RYR2: variants seen among roughly 807,000 people sequenced by gnomAD.
The protein encoded by RYR2 is cardiac muscle ryanodine receptor-calcium release channel.
RYR2 carries 227 observed loss-of-function variants against 601.1 expected under a neutral mutation model. The observed-to-expected ratio is 0.38, with a 90% CI of 0.34 to 0.42. The LOEUF is 0.42. Among genes scored for constraint, RYR2 ranks in the 10% least tolerant of loss-of-function variants. RYR2 has a pLI of 1.00. For synonymous variants in RYR2, 2,223 were observed against 2,175.1 expected, an observed-to-expected ratio of 1.02 and a Z score of -0.61; for missense variants, 4,646 against 6,156.5, an observed-to-expected ratio of 0.75 and a Z score of 8.21.
At chr1:237,059,527 A>G (rs1158738165) in intron 1 of RYR2, among the ~76,000 whole-genome samples, 1 of 152,118 alleles carries the variant, frequency 6.6e-6, no homozygotes, top group Admixed American at 6.5e-5. Context: ...AATCCAGCCT[A>G]TTTTTGTGGG....
intron 2 of RYR2, among the ~76,000 whole-genome samples, chr1:237,285,365 C>T (rs1187596853): frequency 6.6e-6 from 1 of 152,068 alleles, no homozygotes; most frequent in Non-Finnish European, 1.5e-5. Flanking sequence ...TCCCTGCATC[C>T]CTGGTATGAA....
At chr1:237,230,789 C>T (rs997846385) in intron 1 of RYR2, among the ~76,000 whole-genome samples, 3 of 152,004 alleles carry the variant, frequency 2.0e-5, no homozygotes, top group Non-Finnish European at 4.4e-5. Flanking sequence ...ACTAGACAGG[C>T]GTGGTGGCAC....
chr1:237,733,623 G>A lies in RYR2; in HGVS notation c.11040-82G>A, dbSNP rs191085222. On this transcript the variant is annotated intron_variant, in intron 78 of 104. Coordinates refer to ENST00000366574, the MANE Select transcript of RYR2 (RefSeq NM_001035.3). ...GTATACTTGTTAGAAAAAGAACAAAGGTTATTTTAAGCAGCGATGATACGT... is the reference window on the plus strand; with the variant it reads ...GTATACTTGTTAGAAAAAGAACAAAAGTTATTTTAAGCAGCGATGATACGT... 9.6e-5 allele frequency: 83 copies of A among 868,102 alleles called. No individual in the cohort carries two copies. The East Asian group carries it at 1.9e-3, about 20-fold the overall frequency. The allele number at this position is 868,102 out of a possible 1,614,324, so 53.8% of individuals were successfully genotyped here. A position where few individuals can be genotyped will look rare whatever the true frequency, so the allele number is the denominator to read the frequency against.
intron 97 of RYR2, among the ~76,000 whole-genome samples, chr1:237,800,727 G>GA (rs755773133): frequency 6.6e-6 from 1 of 152,132 alleles, no homozygotes; most frequent in Admixed American, 6.5e-5. Context: ...GGCAAGTTCT[G>GA]AAAAAATGAA....
chr1:237,298,989 CCT>C (rs1693083990), intron 2 of RYR2, among the ~76,000 whole-genome samples: 1 of 152,016 alleles, frequency 6.6e-6, no homozygotes, highest in African/African-American at 2.4e-5. Flanking sequence ...GTGAGACTCC[CCT>C]CTCTAAAAAA....
In RYR2 at chr1:237,527,292, C is replaced by T. The variant is rs532363532; in HGVS notation, c.2823-3135C>T. Among the ~76,000 whole-genome samples the T allele has an allele frequency of 2.2e-4, 33 of 152,170 alleles. 2 individuals carry two copies. In the South Asian group the frequency reaches 6.8e-3, roughly 32 times the overall value. On this transcript the variant is annotated intron_variant, in intron 24 of 104. Coordinates refer to ENST00000366574, the MANE Select transcript of RYR2 (RefSeq NM_001035.3). ...TGGCTATTCGGACTCTTTTTTGATT[C>T]CATGTGAACTCAAAGTGTAGCAATT...
At chr1:237,718,694 T>A (rs1225030958) in intron 73 of RYR2, among the ~76,000 whole-genome samples, 173 bp downstream of exon 73, 1 of 152,202 alleles carries the variant, frequency 6.6e-6, no homozygotes, top group Non-Finnish European at 1.5e-5. Context: ...AGATAATAAA[T>A]GATATATTTT....
At chr1:237,567,959 T>C (rs1318099901) in intron 28 of RYR2, among the ~76,000 whole-genome samples, 2 of 149,586 alleles carry the variant, frequency 1.3e-5, no homozygotes, top group Admixed American at 6.7e-5. Context: ...AATTTAACAC[T>C]TTTTTGGGGG....
At position 237,200,430 on chromosome 1, in the gene RYR2, A is replaced by T. The variant is rs575921416; in HGVS notation, c.49-70067A>T. ...CAGGCGCCCACCACCATGCCTGGCTAACTTTTGTATTTTTAGTAGAGACGG... is the reference window on the plus strand; with the variant it reads ...CAGGCGCCCACCACCATGCCTGGCTTACTTTTGTATTTTTAGTAGAGACGG... On this transcript the variant is annotated intron_variant, in intron 1 of 104. Transcript: ENST00000366574. Among the ~76,000 whole-genome samples, 8 of 152,054 alleles carry T rather than the reference A, an allele frequency of 5.3e-5. No homozygotes were observed. In the South Asian group the frequency reaches 1.3e-3, roughly 24 times the overall value.
rs1026974962 is a variant in RYR2, at chr1:237,108,899, G to C, written c.48+66330G>C. Among the ~76,000 whole-genome samples, 7 of 152,138 alleles carry C rather than the reference G, an allele frequency of 4.6e-5. No individual in the cohort carries two copies. In the South Asian group the frequency reaches 8.3e-4, roughly 18 times the overall value. ...GGGGTACTGGCTCCTAAGAGCAGCT[G>C]GGTGTGTGATTAGACAAGGAACTGC... is the stretch of plus-strand genomic sequence containing the variant. On this transcript the variant is annotated intron_variant, in intron 1 of 104. Transcript: ENST00000366574.
rs1401327541 is a variant in RYR2, at chr1:237,784,921, T to C, written c.13209T>C (p.Ser4403=). The C allele has an allele frequency of 6.2e-7, 1 of 1,608,440 alleles. No homozygotes were observed. The highest frequency in any genetic ancestry group is 1.3e-5 in the African/African-American group (1 of 74,836). The part of the protein sequence containing the change: ...LIPHNPNAGL[S]DLMSNPVPMP... Reference sequence around the variant, plus strand: ...CTCATAATCCAAATGCTGGGCTCAGTGACCTCATGAGCAACCCAGTCCCCA... The same window carrying C: ...CTCATAATCCAAATGCTGGGCTCAGCGACCTCATGAGCAACCCAGTCCCCA... Residue 4403 remains serine (S), a synonymous_variant, in exon 90 of 105, where the codon AGT becomes AGC. Coordinates refer to ENST00000366574, the MANE Select transcript of RYR2 (RefSeq NM_001035.3). This position sits in a 1 kb window ranked among gnomAD's most constrained non-coding sequence, Gnocchi z 7.1.
intron 1 of RYR2, among the ~76,000 whole-genome samples, chr1:237,148,527 A>AAT (rs1553316811): frequency 1.1e-3 from 94 of 83,904 alleles, no homozygotes; most frequent in African/African-American, 3.9e-3. Context: ...AAAAAAAAAA[A>AAT]ATATATATAT....
At chr1:237,697,460 A>G in intron 63 of RYR2, among the ~76,000 whole-genome samples, 1 of 143,640 alleles carries the variant, frequency 7.0e-6, no homozygotes, top group East Asian at 2.0e-4. Flanking sequence ...AATATATATT[A>G]TATGATATAT....
At chr1:237,140,501 C>G (rs1173634432) in intron 1 of RYR2, among the ~76,000 whole-genome samples, 5 of 152,138 alleles carry the variant, frequency 3.3e-5, no homozygotes, top group African/African-American at 9.7e-5. Context: ...GTCTGAAATA[C>G]CCCAGCACAA....
chr1:237,607,436 A>T (rs58700230), intron 35 of RYR2, among the ~76,000 whole-genome samples: 28,407 of 140,198 alleles, frequency 0.2, 3,043 homozygotes, highest in East Asian at 0.48. Flanking sequence ...GGGTTGGGGG[A>T]GGGAGGGAGG....
intron 25 of RYR2, among the ~76,000 whole-genome samples, chr1:237,540,702 C>T (rs529931624): frequency 1.7e-4 from 26 of 149,606 alleles, no homozygotes; most frequent in Non-Finnish European, 3.6e-4. Flanking sequence ...AGTGAAACTC[C>T]GTTTCAAAAT....
intron 16 of RYR2, among the ~76,000 whole-genome samples, chr1:237,466,939 G>T (rs545066706): frequency 6.6e-6 from 1 of 151,414 alleles, no homozygotes; most frequent in African/African-American, 2.4e-5. Flanking sequence ...ATTCTGACAC[G>T]GTTCTGTCAG....
At chr1:237,481,978 A>T (rs1048612264) in intron 17 of RYR2, among the ~76,000 whole-genome samples, 3 of 152,134 alleles carry the variant, frequency 2.0e-5, no homozygotes, top group Non-Finnish European at 4.4e-5. Flanking sequence ...CCTGTTAACC[A>T]GGGGTGCTTT....
At chr1:237,186,137 A>T (rs1186371888) in intron 1 of RYR2, among the ~76,000 whole-genome samples, 1 of 152,170 alleles carries the variant, frequency 6.6e-6, no homozygotes, top group Non-Finnish European at 1.5e-5. Flanking sequence ...CTGATCCGTG[A>T]AGATGGGATA....
Sources: allele counts gnomAD v4.1 joint callset (sites outside exome capture counted in the v4.1 genomes callset), GRCh38; gene constraint gnomAD v4.1.1; non-coding constraint Gnocchi (gnomAD v3.1); transcripts MANE v1.5; gene names NCBI Gene and HGNC (gene_info 2026-07-23, HGNC 2026-07-21).